The following MAPKAP1 variants were observed in gnomAD, a reference collection of about 807,000 sequenced individuals.
MAPKAP1 encodes target of rapamycin complex 2 subunit MAPKAP1.
In MAPKAP1, 20 loss-of-function variants were observed where a neutral mutation model predicts 65.7. That is an observed-to-expected ratio of 0.30 (90% confidence interval 0.21 to 0.44). The LOEUF (loss-of-function observed/expected upper bound fraction) is 0.44, where lower values mean the gene tolerates loss of function less well. MAPKAP1 is among the 20% of genes least tolerant of loss of function. The probability of loss-of-function intolerance (pLI) is 1.00; values close to 1 mark genes in which losing one functional copy is unlikely to be tolerated. For synonymous variants in MAPKAP1, 222 were observed against 244.3 expected (o/e 0.91, Z 0.85); for missense variants, 423 against 648.0 (o/e 0.65, Z 3.77).
At chr9:125,703,743 C>T (rs1157156651) in intron 1 of MAPKAP1, among the ~76,000 whole-genome samples, 1 of 149,736 alleles carries the variant, frequency 6.7e-6, no homozygotes, top group Non-Finnish European at 1.5e-5. Context: ...CTGCACTCCA[C>T]CCTGGGTGAT....
At chr9:125,676,812 T>C (rs1462691987) in intron 1 of MAPKAP1, among the ~76,000 whole-genome samples, 1 of 152,208 alleles carries the variant, frequency 6.6e-6, no homozygotes, top group Non-Finnish European at 1.5e-5. Flanking sequence ...ATTTAAAATT[T>C]TTAAGTTTTT....
At chr9:125,701,974 T>C (rs1835612813) in intron 1 of MAPKAP1, among the ~76,000 whole-genome samples, 1 of 152,248 alleles carries the variant, frequency 6.6e-6, no homozygotes, top group African/African-American at 2.4e-5. Context: ...CTTCCTGCTC[T>C]GAACAACAGG....
intron 10 of MAPKAP1, among the ~76,000 whole-genome samples, chr9:125,462,913 C>T (rs751402297): frequency 6.6e-6 from 1 of 152,210 alleles, no homozygotes. Flanking sequence ...ATGGGAAAGA[C>T]TGACTCGTGT....
chr9:125,495,345 G>A lies in MAPKAP1; in HGVS notation c.1067-10762C>T, dbSNP rs181638686. On this transcript the variant is annotated intron_variant, in intron 8 of 11. Transcript: ENST00000265960. ...AACCATTAGTCAGGACCTTCAGGGC[G>A]AATTCTGGGGCCAGGAGCCTATCAG... Among the ~76,000 whole-genome samples, 7 of 152,242 alleles carry A rather than the reference G, an allele frequency of 4.6e-5. No individual in the cohort carries two copies. The East Asian group carries it at 9.6e-4, about 21-fold the overall frequency.
intron 1 of MAPKAP1, among the ~76,000 whole-genome samples, chr9:125,678,069 C>T (rs868568946): frequency 1.3e-5 from 2 of 152,056 alleles, no homozygotes; most frequent in Non-Finnish European, 1.5e-5. Context: ...AGGCTCACAC[C>T]ACCATGCCTG....
chr9:125,664,585 C>T (rs936757893), intron 3 of MAPKAP1, among the ~76,000 whole-genome samples: 5 of 150,976 alleles, frequency 3.3e-5, no homozygotes, highest in African/African-American at 9.7e-5. Context: ...ATTAGCCAGG[C>T]GTGGTGGCAG....
intron 3 of MAPKAP1, among the ~76,000 whole-genome samples, chr9:125,658,713 A>T (rs1485033627): frequency 3.3e-5 from 5 of 152,256 alleles, no homozygotes; most frequent in Admixed American, 2.0e-4. Context: ...GAACCAAGAC[A>T]AGTTCCGTAA....
intron 8 of MAPKAP1, among the ~76,000 whole-genome samples, chr9:125,491,447 A>T (rs565083380): frequency 3.6e-4 from 55 of 151,976 alleles, no homozygotes; most frequent in Admixed American, 2.8e-3. Flanking sequence ...TCTCAAAAAA[A>T]TTTTTTTTAA....
At chr9:125,636,717 T>A (rs12553311) in intron 4 of MAPKAP1, among the ~76,000 whole-genome samples, 1 of 152,048 alleles carries the variant, frequency 6.6e-6, no homozygotes, top group Non-Finnish European at 1.5e-5. Flanking sequence ...ATAGCAGCAT[T>A]TGCTTACATA....
chr9:125,455,046 A>C (rs568611469), intron 10 of MAPKAP1, among the ~76,000 whole-genome samples: 169 of 151,862 alleles, frequency 1.1e-3, no homozygotes, highest in Non-Finnish European at 1.4e-3. Flanking sequence ...TAAAAAAAAA[A>C]CCCAAAAAAC....
At chr9:125,618,975 T>G (rs1293213991) in intron 4 of MAPKAP1, among the ~76,000 whole-genome samples, 1 of 152,068 alleles carries the variant, frequency 6.6e-6, no homozygotes, top group Admixed American at 6.6e-5. Context: ...CTACAAAAAT[T>G]TTTTTAAATT....
At chr9:125,491,447 A>G (rs565083380) in intron 8 of MAPKAP1, among the ~76,000 whole-genome samples, 1 of 151,860 alleles carries the variant, frequency 6.6e-6, no homozygotes, top group East Asian at 1.9e-4. Flanking sequence ...TCTCAAAAAA[A>G]TTTTTTTTAA....
At chr9:125,521,865 A>G in intron 7 of MAPKAP1, 2 of 1,063,098 alleles carry the variant, frequency 1.9e-6, no homozygotes, top group Non-Finnish European at 2.8e-6. Context: ...GTCAGTGGAG[A>G]GCAAGCTTAG....
chr9:125,596,039 T>C (rs1832115492), intron 4 of MAPKAP1: 7 of 1,393,830 alleles, frequency 5.0e-6, no homozygotes, highest in Non-Finnish European at 7.0e-6. Flanking sequence ...GAGATTATTT[T>C]GAACAGCGTG....
At chr9:125,632,291 T>C (rs1833309266) in intron 4 of MAPKAP1, among the ~76,000 whole-genome samples, 1 of 152,110 alleles carries the variant, frequency 6.6e-6, no homozygotes, top group Non-Finnish European at 1.5e-5. Flanking sequence ...TATGCTATAT[T>C]ATAATTGTCT....
chr9:125,693,328 C>T (rs1170519012), intron 1 of MAPKAP1, among the ~76,000 whole-genome samples: 8 of 151,396 alleles, frequency 5.3e-5, no homozygotes, highest in Admixed American at 2.0e-4. Context: ...GCAGGAGAAT[C>T]GCTTGAACCC....
At chr9:125,543,021 GCTT>G (rs1252776298) in intron 7 of MAPKAP1, 35 bp downstream of exon 7, 1 of 1,357,358 alleles carries the variant, frequency 7.4e-7, no homozygotes, top group Non-Finnish European at 1.1e-6. Context: ...TAAGGGTTAA[GCTT>G]CTACTACTGT....
intron 10 of MAPKAP1, among the ~76,000 whole-genome samples, chr9:125,462,706 C>T (rs1853544344): frequency 1.3e-5 from 2 of 152,216 alleles, no homozygotes; most frequent in African/African-American, 4.8e-5. Context: ...TGGTCTTTCA[C>T]TATGGGTTAA....
At chr9:125,619,512 T>C (rs923183585) in intron 4 of MAPKAP1, among the ~76,000 whole-genome samples, 3 of 151,914 alleles carry the variant, frequency 2.0e-5, no homozygotes, top group South Asian at 2.1e-4. Flanking sequence ...CTGTATATTA[T>C]TGCAAATTAA....
Sources: gnomAD v4.1 joint callset for allele counts (sites outside exome capture counted in the v4.1 genomes callset) on GRCh38, gnomAD v4.1.1 for gene constraint, MANE v1.5 for transcripts, NCBI Gene and HGNC (gene_info 2026-07-23, HGNC 2026-07-21) for gene names.